The following LRRC27 variants were observed in gnomAD, a reference collection of about 807,000 sequenced individuals.
The protein encoded by LRRC27 is leucine-rich repeat-containing protein 27.
LRRC27 carries 57 observed loss-of-function variants against 55.0 expected under a neutral mutation model. The observed-to-expected ratio is 1.04, with a 90% CI of 0.84 to 1.29. The LOEUF is 1.29. LRRC27 is among the 50% of genes most tolerant of loss of function. LRRC27 has a pLI of 0.00. For missense variants in LRRC27, 721 were observed against 651.5 expected (o/e 1.11, Z -1.16); for synonymous variants, 278 against 251.9 (o/e 1.10, Z -0.98).
Position 132,355,835 on chromosome 10 carries a change from G to T in LRRC27, c.1119G>T (p.Met373Ile). 1 of 1,558,866 alleles carries T rather than the reference G, an allele frequency of 6.4e-7. No homozygotes were observed. The highest frequency in any genetic ancestry group is 1.2e-5 in the South Asian group (1 of 84,526). The change falls in exon 8 of 11, where the codon ATG (methionine) becomes ATT (isoleucine). Residue 373 changes from methionine to isoleucine, a missense_variant. By Grantham distance (10) the Met-to-Ile change is conservative. Coordinates refer to ENST00000368614, the MANE Select transcript of LRRC27 (RefSeq NM_030626.3). ...LQEWRERAQR[M>I]RKRKEELSKL... is the part of the protein sequence containing the mutation. ...AGTGGAGAGAGCGAGCCCAGAGGAT[G>T]AGGAAGAGGAAGGAAGAGCTCAGCA...
At position 132,371,029 on chromosome 10, in the gene LRRC27, C is replaced by T. The variant is rs1022759702; in HGVS notation, c.1417-4037C>T. Reference sequence around the variant, plus strand: ...GGCCCACCAGCCTGCCGTATGGAGGCGGGCACGCATGTGCGTGAGACAGTT... The same window carrying T: ...GGCCCACCAGCCTGCCGTATGGAGGTGGGCACGCATGTGCGTGAGACAGTT... On this transcript the variant is annotated intron_variant, in intron 10 of 10. Transcript: ENST00000368614. Among the ~76,000 whole-genome samples, 10 of 152,256 alleles carry T rather than the reference C, an allele frequency of 6.6e-5. No individual in the cohort carries two copies. In the South Asian group the frequency reaches 8.3e-4, roughly 13 times the overall value.
In LRRC27 at chr10:132,374,901, G is replaced by A. The variant is rs975276209; in HGVS notation, c.1417-165G>A. 5.3e-5 allele frequency among the ~76,000 whole-genome samples: 8 copies of A among 152,186 alleles called. No homozygotes were observed. The highest frequency in any genetic ancestry group is 1.2e-4 in the Non-Finnish European group (8 of 68,022). On this transcript the variant is annotated intron_variant, in intron 10 of 10. Transcript: ENST00000368614. This position sits in a 1 kb window ranked among gnomAD's most constrained non-coding sequence, Gnocchi z 4.4. The stretch of plus-strand genomic sequence containing the variant: ...AGTAGGCTGCTGGGCCCCATTGCAG[G>A]GGGGACCGCGCCGTGATGCGGCTTG...
At chr10:132,355,535 T>A (rs2068266393) in intron 7 of LRRC27, among the ~76,000 whole-genome samples, 1 of 152,166 alleles carries the variant, frequency 6.6e-6, no homozygotes, top group Non-Finnish European at 1.5e-5. Context: ...CTGGGTCGGG[T>A]TGGCCCCCAG....
chr10:132,362,609 G>A (rs1009219905), intron 9 of LRRC27, among the ~76,000 whole-genome samples: 1 of 152,066 alleles, frequency 6.6e-6, no homozygotes, highest in South Asian at 2.1e-4. Flanking sequence ...GGGTTCCCGG[G>A]GGTTCACCCT....
intron 8 of LRRC27, among the ~76,000 whole-genome samples, chr10:132,360,392 G>C (rs568439371): frequency 6.6e-6 from 1 of 152,110 alleles, no homozygotes; most frequent in African/African-American, 2.4e-5. Context: ...CACTGCGCCC[G>C]GCCAGGATTT....
At chr10:132,364,382 C>A (rs990239949) in intron 9 of LRRC27, among the ~76,000 whole-genome samples, 1 of 111,080 alleles carries the variant, frequency 9.0e-6, no homozygotes, top group African/African-American at 4.2e-5. Flanking sequence ...CCCACCCACA[C>A]TTACACCCAC....
chr10:132,360,593 C>A (rs577677480), intron 8 of LRRC27, among the ~76,000 whole-genome samples: 1 of 152,206 alleles, frequency 6.6e-6, no homozygotes, highest in East Asian at 1.9e-4. Flanking sequence ...CCCATCTTTC[C>A]GCCCTTTCTG....
Position 132,379,208 on chromosome 10 carries a change from C to T in LRRC27, c.*3966C>T, listed in dbSNP as rs928086174. The T allele has an allele frequency of 2.7e-5, 4 of 150,906 alleles. No homozygotes were observed. Among genetic ancestry groups the T allele is most frequent in the African/African-American group, 1.0e-4 (4 of 39,916 alleles). The allele number at this position is 150,906 out of a possible 1,614,324, so 9.3% of individuals were successfully genotyped here. ...CCTGCTCCTCTCCAGAGTTTCCTCT[C>T]ACCTCCGTGTTCTCGGGGAGTGCGT... is the stretch of plus-strand genomic sequence containing the variant. On this transcript the variant is annotated 3_prime_UTR_variant, in exon 11 of 11. Transcript: ENST00000368614.
intron 10 of LRRC27, chr10:132,367,003 C>T (rs2069110723): frequency 8.2e-7 from 1 of 1,217,946 alleles, no homozygotes; most frequent in Admixed American, 2.7e-5. Flanking sequence ...CTTTCTAAAT[C>T]CATCGTTTAT....
At chr10:132,335,115 C>G (rs367849235) in intron 2 of LRRC27, 1 of 152,206 alleles carries the variant, frequency 6.6e-6, no homozygotes, top group South Asian at 2.1e-4. Context: ...ACAAACTTAC[C>G]CATCCAAACC....
Position 132,348,785 on chromosome 10 carries a change from C to A in LRRC27, c.926+429C>A, listed in dbSNP as rs1213497713. On this transcript the variant is annotated intron_variant, in intron 6 of 10. Transcript: ENST00000368614. This position sits in a 1 kb window ranked among gnomAD's most constrained non-coding sequence, Gnocchi z 4.2. The stretch of plus-strand genomic sequence containing the variant: ...AGGCTTCGATCAGTGCTCACTGAAT[C>A]CACATTTTACCTGTGAAAAGAGAGG... Among the ~76,000 whole-genome samples, 2 of 152,172 alleles carry A rather than the reference C, an allele frequency of 1.3e-5. No individual in the cohort carries two copies. The highest frequency in any genetic ancestry group is 4.8e-5 in the African/African-American group (2 of 41,446).
chr10:132,349,064 A>G (rs1268653054), intron 6 of LRRC27: 2 of 1,595,008 alleles, frequency 1.3e-6, no homozygotes, highest in African/African-American at 1.3e-5. Flanking sequence ...GGAGGTATGT[A>G]TCTGTGGTGT....
intron 1 of LRRC27, 30 bp from the exon 2 acceptor site, chr10:132,333,447 C>T (rs550249103): frequency 4.5e-6 from 5 of 1,110,380 alleles, no homozygotes; most frequent in African/African-American, 3.2e-5. Context: ...TAATTAGTTG[C>T]TTCTACGTTT....
chr10:132,356,428 T>A (rs2068316767), intron 8 of LRRC27, among the ~76,000 whole-genome samples: 1 of 147,800 alleles, frequency 6.8e-6, no homozygotes, highest in Non-Finnish European at 1.5e-5. Flanking sequence ...GCTCTTAAGC[T>A]ATGGGACATG....
At chr10:132,351,362 C>T (rs2068002024) in intron 6 of LRRC27, 8 of 464,772 alleles carry the variant, frequency 1.7e-5, no homozygotes, top group African/African-American at 1.9e-5. Context: ...TCAAGCGTCC[C>T]GGGAAAGTAG....
chr10:132,336,593 C>T lies in LRRC27; in HGVS notation c.211-972C>T, dbSNP rs74794995. Among the ~76,000 whole-genome samples, 80 of 152,282 alleles carry T rather than the reference C, an allele frequency of 5.3e-4. 1 individual carries two copies. Among genetic ancestry groups the T allele is most frequent in the African/African-American group, 1.9e-3 (78 of 41,560 alleles). On this transcript the variant is annotated intron_variant, in intron 2 of 10. Transcript: ENST00000368614. The stretch of plus-strand genomic sequence containing the variant: ...AGTGTGTGTTTCATAGAGAAGGCAA[C>T]GTAATCACAACAGCCAATCCACGCA...
rs1490023516 is a variant in LRRC27, at chr10:132,374,935, C to T, written c.1417-131C>T. ...CGCCGTGATGCGGCTTGCAGGGGCCCCGGGGCAGCGGGGCTGGCTCTGCTG... is the reference window on the plus strand; with the variant it reads ...CGCCGTGATGCGGCTTGCAGGGGCCTCGGGGCAGCGGGGCTGGCTCTGCTG... On this transcript the variant is annotated intron_variant, in intron 10 of 10. Transcript: ENST00000368614. The surrounding 1 kb of genome is among the most constrained non-coding windows in gnomAD (Gnocchi z 4.4). 9.9e-7 allele frequency: 1 copy of T among 1,012,100 alleles called. No individual in the cohort carries two copies. The highest frequency in any genetic ancestry group is 1.6e-5 in the African/African-American group (1 of 61,668). The allele number at this position is 1,012,100 out of a possible 1,614,324, so 62.7% of individuals were successfully genotyped here.
intron 10 of LRRC27, among the ~76,000 whole-genome samples, chr10:132,368,201 A>G (rs548678870): frequency 6.6e-6 from 1 of 152,366 alleles, no homozygotes; most frequent in East Asian, 1.9e-4. Context: ...AACTGAATAA[A>G]TGGACAGATA....
chr10:132,341,401 C>G lies in LRRC27; in HGVS notation c.342-812C>G, dbSNP rs538882021. ...AGACCTTGTCTCAAAAAATAATCAT[C>G]ATAATTAAATGTGAAAACCAAGAAG... On this transcript the variant is annotated intron_variant, in intron 3 of 10. Coordinates refer to ENST00000368614, the MANE Select transcript of LRRC27 (RefSeq NM_030626.3). Among the ~76,000 whole-genome samples the G allele has an allele frequency of 3.3e-5, 5 of 152,240 alleles. No homozygotes were observed. The South Asian group carries it at 1.0e-3, about 32-fold the overall frequency.
Sources: allele counts gnomAD v4.1 joint callset (sites outside exome capture counted in the v4.1 genomes callset), GRCh38; gene constraint gnomAD v4.1.1; non-coding constraint Gnocchi (gnomAD v3.1); transcripts MANE v1.5; gene names NCBI Gene and HGNC (gene_info 2026-07-23, HGNC 2026-07-21).